CD163L1: variants seen among roughly 807,000 people sequenced by gnomAD.
CD163L1 encodes CD163 molecule like 1.
In CD163L1, 124 loss-of-function variants were observed where a neutral mutation model predicts 165.4. That is an observed-to-expected ratio of 0.75 (90% CI 0.65 to 0.87). CD163L1 has a LOEUF of 0.87. Ranked by LOEUF, CD163L1 falls within the 40% of genes least tolerant of loss-of-function variation. The pLI is 0.00. For synonymous variants in CD163L1, 585 were observed against 662.2 expected (o/e 0.88, Z 1.79); for missense variants, 1,525 against 1,799.9 (o/e 0.85, Z 2.76).
intron 4 of CD163L1, among the ~76,000 whole-genome samples, chr12:7,429,939 C>G (rs1018959079): frequency 6.6e-6 from 1 of 152,150 alleles, no homozygotes; most frequent in East Asian, 1.9e-4. Context: ...AGTACCAGCC[C>G]TCAGCTTCAT....
At chr12:7,404,308 G>A (rs1471541496) in intron 5 of CD163L1, among the ~76,000 whole-genome samples, 2 of 152,028 alleles carry the variant, frequency 1.3e-5, no homozygotes, top group Admixed American at 1.3e-4. Context: ...AGAAAGAAAA[G>A]GGACAAAAGG....
At chr12:7,407,257 A>T (rs1453377612) in intron 4 of CD163L1, among the ~76,000 whole-genome samples, 3 of 152,160 alleles carry the variant, frequency 2.0e-5, no homozygotes, top group East Asian at 3.9e-4. Context: ...ATAAGATATC[A>T]TTGTCATCAC....
At chr12:7,388,870 A>G (rs996892740) in intron 8 of CD163L1, among the ~76,000 whole-genome samples, 9 of 152,170 alleles carry the variant, frequency 5.9e-5, no homozygotes, top group Admixed American at 5.2e-4. Context: ...CAGAAATCCT[A>G]TTTATCCAAA....
intron 8 of CD163L1, among the ~76,000 whole-genome samples, chr12:7,390,224 C>T (rs1215723280): frequency 1.3e-5 from 2 of 151,530 alleles, no homozygotes; most frequent in African/African-American, 4.9e-5. Flanking sequence ...AGGATGAAGA[C>T]AGGTAGGTTA....
At chr12:7,322,556 C>G in the CD163L1 span, 6 of 1,607,848 alleles carry the variant, frequency 3.7e-6, no homozygotes, top group Non-Finnish European at 5.1e-6. Flanking sequence ...ATCTAAAGGG[C>G]ATTTATGTTT....
At chr12:7,365,264 A>G (rs915690349) in intron 18 of CD163L1, among the ~76,000 whole-genome samples, 2 of 152,098 alleles carry the variant, frequency 1.3e-5, no homozygotes, top group African/African-American at 4.8e-5. Context: ...AAAACACCAA[A>G]TAAAAACAGA....
chr12:7,430,327 G>T (rs886460011), intron 4 of CD163L1, among the ~76,000 whole-genome samples: 1 of 152,114 alleles, frequency 6.6e-6, no homozygotes, highest in African/African-American at 2.4e-5. Context: ...TTCACTTGTT[G>T]TAAGAACTCT....
At chr12:7,433,734 A>T in intron 2 of CD163L1, 40 bp from the exon 3 acceptor site, 2 of 1,455,794 alleles carry the variant, frequency 1.4e-6, no homozygotes, top group Non-Finnish European at 9.4e-7. Flanking sequence ...GATGGCAAAG[A>T]TTAGAAGGCA....
chr12:7,361,152 T>C (rs1268304561), intron 18 of CD163L1, among the ~76,000 whole-genome samples: 2 of 152,116 alleles, frequency 1.3e-5, no homozygotes, highest in African/African-American at 4.8e-5. Context: ...GAGTAGTATA[T>C]ATATATTTTC....
At chr12:7,396,500 T>A in intron 7 of CD163L1, 85 bp from the exon 8 acceptor site, 1 of 1,289,978 alleles carries the variant, frequency 7.8e-7, no homozygotes, top group Non-Finnish European at 1.1e-6. Context: ...GATACCCAGT[T>A]ATTTGGTCAA....
Position 7,432,402 on chromosome 12 carries a change from T to C in CD163L1, c.766+14A>G, listed in dbSNP as rs770384823. On this transcript the variant is annotated intron_variant, in intron 4 of 19. Transcript: ENST00000313599. The surrounding 1 kb of genome is among the most constrained non-coding windows in gnomAD (Gnocchi z 4.2). ...AATTGTTCCTTTCTTCTACATGATGTCTTGGGTTCTTACCATAACAAGTTA... is the reference window on the plus strand; with the variant it reads ...AATTGTTCCTTTCTTCTACATGATGCCTTGGGTTCTTACCATAACAAGTTA... 9 of 1,581,324 alleles carry C rather than the reference T, an allele frequency of 5.7e-6. No homozygotes were observed. The highest frequency in any genetic ancestry group is 6.9e-6 in the Non-Finnish European group (8 of 1,155,202).
chr12:7,441,761 A>C (rs1948834165), intron 1 of CD163L1, among the ~76,000 whole-genome samples: 2 of 152,222 alleles, frequency 1.3e-5, no homozygotes, highest in African/African-American at 4.8e-5. Context: ...TGGAATGTAC[A>C]AGCAAATCAA....
downstream of CD163L1, among the ~76,000 whole-genome samples, chr12:7,351,988 A>G (rs902970408): frequency 6.6e-6 from 1 of 152,212 alleles, no homozygotes; most frequent in Non-Finnish European, 1.5e-5. Context: ...TGAATAAAGG[A>G]AATAAAGTAA....
chr12:7,364,958 C>T (rs938436943), intron 18 of CD163L1, among the ~76,000 whole-genome samples: 2 of 151,952 alleles, frequency 1.3e-5, no homozygotes, highest in African/African-American at 2.4e-5. Context: ...AGAGGGCCCC[C>T]AATAGCCAAA....
chr12:7,439,936 G>A, intron 2 of CD163L1: 2 of 1,591,506 alleles, frequency 1.3e-6, no homozygotes, highest in Middle Eastern at 3.5e-4. Context: ...AGTGCTGTCG[G>A]CAGCTGACAC....
intron 14 of CD163L1, 100 bp downstream of exon 14, chr12:7,373,220 G>T: frequency 1.0e-6 from 1 of 970,656 alleles, no homozygotes; most frequent in East Asian, 2.4e-5. Flanking sequence ...GCACTTTTCA[G>T]TGAGTCTGCC....
chr12:7,439,252 T>G, intron 2 of CD163L1: 5 of 1,557,762 alleles, frequency 3.2e-6, no homozygotes, highest in Non-Finnish European at 3.5e-6. Context: ...TTTTCTATTT[T>G]CTTTGGGATC....
chr12:7,419,714 A>C (rs960224551), intron 4 of CD163L1, among the ~76,000 whole-genome samples: 6 of 152,020 alleles, frequency 3.9e-5, no homozygotes, highest in Non-Finnish European at 5.9e-5. Context: ...AACAGCAGTG[A>C]CCAAGTTGAG....
chr12:7,438,649 G>C (rs1020005255), intron 2 of CD163L1: 52 of 519,868 alleles, frequency 1.0e-4, no homozygotes, highest in Admixed American at 5.6e-4. Context: ...TCCAAGAGCT[G>C]GAGGATCTTC....
Sources: allele counts gnomAD v4.1 joint callset (sites outside exome capture counted in the v4.1 genomes callset), GRCh38; gene constraint gnomAD v4.1.1; non-coding constraint Gnocchi (gnomAD v3.1); transcripts MANE v1.5; gene names NCBI Gene and HGNC (gene_info 2026-07-23, HGNC 2026-07-21).